Variants in CUX1 observed in about 807,000 individuals in gnomAD.
CUX1 encodes the protein cut like homeobox 1.
In CUX1, 31 loss-of-function variants were observed where a neutral mutation model predicts 158.8. The ratio of observed to expected loss-of-function variants is 0.20; its 90% CI spans 0.15 to 0.26. The LOEUF is 0.26. Ranked by LOEUF, CUX1 falls within the 10% of genes least tolerant of loss-of-function variation. CUX1 has a pLI of 1.00. For missense variants in CUX1, 1,589 were observed against 2,014.6 expected (o/e 0.79, Z 4.04); for synonymous variants, 879 against 862.1 (o/e 1.02, Z -0.34).
At chr7:101,902,167 C>G (rs1014065419) in intron 1 of CUX1, among the ~76,000 whole-genome samples, 1 of 152,190 alleles carries the variant, frequency 6.6e-6, no homozygotes, top group Non-Finnish European at 1.5e-5. Flanking sequence ...GCATGGTGTT[C>G]TGCAGAGAGC....
At position 101,912,649 on chromosome 7, in the gene CUX1, A is replaced by G. The variant is rs73403650; in HGVS notation, c.31-3466A>G. On this transcript the variant is annotated intron_variant, in intron 1 of 23. Coordinates refer to ENST00000292535, the MANE Select transcript of CUX1 (RefSeq NM_181552.4). Reference sequence around the variant, plus strand: ...TTTCTTCTGTATCCCTCTGGAGATAATCACAGCCTATGCGAGCATATGGAT... The same window carrying G: ...TTTCTTCTGTATCCCTCTGGAGATAGTCACAGCCTATGCGAGCATATGGAT... 2.2e-3 allele frequency among the ~76,000 whole-genome samples: 329 copies of G among 152,370 alleles called. 1 individual carries two copies. Among genetic ancestry groups the G allele is most frequent in the African/African-American group, 7.6e-3 (314 of 41,588 alleles).
At chr7:102,155,165 G>A (rs1554504786) in intron 8 of CUX1, among the ~76,000 whole-genome samples, 2 of 152,150 alleles carry the variant, frequency 1.3e-5, no homozygotes, top group South Asian at 2.1e-4. Flanking sequence ...AGTGAATGAC[G>A]GTAGCCAGGG....
At chr7:101,981,482 C>T (rs1013951780) in intron 2 of CUX1, among the ~76,000 whole-genome samples, 6 of 152,122 alleles carry the variant, frequency 3.9e-5, no homozygotes, top group African/African-American at 1.4e-4. Flanking sequence ...GAGTGGCCAG[C>T]CATTCCCAGG....
At chr7:102,226,833 G>A (rs782398780) in intron 20 of CUX1, among the ~76,000 whole-genome samples, 4 of 152,154 alleles carry the variant, frequency 2.6e-5, no homozygotes, top group African/African-American at 4.8e-5. Context: ...GTTTCACCAC[G>A]TTGGCCAGGC....
At chr7:102,280,087 G>A (rs144329021) in exon 19 of CUX1, 234 of 1,610,914 alleles carry the variant, frequency 1.5e-4, no homozygotes, top group East Asian at 6.7e-4. Flanking sequence ...AGTACGAGGA[G>A]CGCCTGGACC....
At chr7:102,015,670 T>C (rs1020024455) in intron 2 of CUX1, among the ~76,000 whole-genome samples, 4 of 152,224 alleles carry the variant, frequency 2.6e-5, no homozygotes, top group African/African-American at 9.6e-5. Flanking sequence ...ATTGTTACCA[T>C]GTTGGGATCA....
intron 1 of CUX1, among the ~76,000 whole-genome samples, chr7:101,891,559 G>A (rs1327544621): frequency 6.6e-6 from 1 of 152,162 alleles, no homozygotes; most frequent in East Asian, 1.9e-4. Flanking sequence ...AATGATCGGG[G>A]TTTACTTCTG....
intron 5 of CUX1, among the ~76,000 whole-genome samples, chr7:102,099,540 T>G (rs534306982): frequency 1.3e-5 from 2 of 151,782 alleles, no homozygotes; most frequent in Admixed American, 6.6e-5. Context: ...CTCTCTGGTT[T>G]GTTTGGTGAG....
At chr7:101,853,150 C>T (rs1054260503) in intron 1 of CUX1, among the ~76,000 whole-genome samples, 3 of 152,134 alleles carry the variant, frequency 2.0e-5, no homozygotes, top group Non-Finnish European at 4.4e-5. Flanking sequence ...CTGTATATTC[C>T]TCCCACCTCC....
At chr7:101,968,375 A>T (rs554499712) in intron 2 of CUX1, among the ~76,000 whole-genome samples, 1 of 152,242 alleles carries the variant, frequency 6.6e-6, no homozygotes, top group Non-Finnish European at 1.5e-5. Context: ...TGCTTTTGTT[A>T]AAGTGTCTGG....
At chr7:101,845,234 C>T (rs954381471) in intron 1 of CUX1, among the ~76,000 whole-genome samples, 3 of 152,122 alleles carry the variant, frequency 2.0e-5, no homozygotes, top group African/African-American at 7.2e-5. Context: ...AGTCCTCCTG[C>T]CTCAGCCTTC....
At chr7:102,278,013 ACAACAT>A in exon 18 of CUX1, 1 of 1,573,340 alleles carries the variant, frequency 6.4e-7, no homozygotes, top group Non-Finnish European at 8.6e-7. Flanking sequence ...CTGCGCGCCG[ACAACAT>A]CAAGCTCTTT....
In CUX1 at chr7:102,022,629, GAAAAGA is replaced by G. The variant is rs1819515034; in HGVS notation, c.142-5459_142-5454del. 2.1e-5 allele frequency among the ~76,000 whole-genome samples: 3 copies of G among 142,418 alleles called. No individual in the cohort carries two copies. The Admixed American group carries it at 2.1e-4, about 10-fold the overall frequency. The allele number at this position is 142,418 out of a possible 152,430, so 93.4% of individuals were successfully genotyped here. A position where few individuals can be genotyped will look rare whatever the true frequency, so the allele number is the denominator to read the frequency against. On this transcript the variant is annotated intron_variant, in intron 2 of 23. Transcript: ENST00000292535. ...ACACTGTCTCAAAAAAAAAAAAAAA[GAAAAGA>G]AAAAGAAAAGAATGGAAATCCTTCC... is the stretch of plus-strand genomic sequence containing the variant.
chr7:101,912,615 G>A (rs778808825), intron 1 of CUX1, among the ~76,000 whole-genome samples: 3 of 152,156 alleles, frequency 2.0e-5, no homozygotes, highest in African/African-American at 4.8e-5. Context: ...AGCCAGGCAC[G>A]GTCACAAGTT....
intron 1 of CUX1, among the ~76,000 whole-genome samples, chr7:101,903,032 C>T (rs1018279894): frequency 2.0e-5 from 3 of 152,160 alleles, no homozygotes; most frequent in Non-Finnish European, 4.4e-5. Flanking sequence ...GCCTGTTTCC[C>T]GGGCATTTGT....
intron 1 of CUX1, among the ~76,000 whole-genome samples, chr7:101,863,108 A>C (rs1797626925): frequency 6.6e-6 from 1 of 152,172 alleles, no homozygotes; most frequent in South Asian, 2.1e-4. Flanking sequence ...CAGATACATC[A>C]GTGTGTATCT....
At position 102,256,032 on chromosome 7, in the gene CUX1, A is replaced by G. The variant is rs1789854171; in HGVS notation, c.*6990A>G. 2.0e-6 allele frequency: 2 copies of G among 985,366 alleles called. No homozygotes were observed. The highest frequency in any genetic ancestry group is 6.1e-5 in the Admixed American group (1 of 16,266). The allele number at this position is 985,366 out of a possible 1,614,324, so 61.0% of individuals were successfully genotyped here. ...TTGTTCACTGTAGTTCCGTTTGTTCATGAACCGAAGGGAAAACAGGCCTCC... is the reference window on the plus strand; with the variant it reads ...TTGTTCACTGTAGTTCCGTTTGTTCGTGAACCGAAGGGAAAACAGGCCTCC... On this transcript the variant is annotated 3_prime_UTR_variant, in exon 24 of 24. Transcript: ENST00000292535.
At chr7:101,861,175 G>A (rs779834927) in intron 1 of CUX1, among the ~76,000 whole-genome samples, 83 of 152,214 alleles carry the variant, frequency 5.5e-4, no homozygotes, top group Non-Finnish European at 8.4e-4. Flanking sequence ...CTGCTCCTTC[G>A]AACCCACATT....
At chr7:102,070,808 C>T (rs1425416876) in intron 4 of CUX1, among the ~76,000 whole-genome samples, 1 of 152,194 alleles carries the variant, frequency 6.6e-6, no homozygotes, top group African/African-American at 2.4e-5. Context: ...ACTAAGACAC[C>T]TGGAGTGTCC....
Sources: allele counts gnomAD v4.1 joint callset (sites outside exome capture counted in the v4.1 genomes callset), GRCh38; gene constraint gnomAD v4.1.1; transcripts MANE v1.5; gene names NCBI Gene and HGNC (gene_info 2026-07-23, HGNC 2026-07-21).